MTUS2: variants seen among roughly 807,000 people sequenced by gnomAD.
MTUS2 encodes the protein microtubule-associated tumor suppressor candidate 2.
Under a neutral mutation model 114.1 loss-of-function variants are expected in MTUS2, and 40 were observed. The ratio of observed to expected loss-of-function variants is 0.35; its 90% CI spans 0.27 to 0.46. The LOEUF is 0.46. MTUS2 is among the 20% of genes least tolerant of loss of function. The probability of loss-of-function intolerance (pLI) is 1.00; values close to 1 mark genes in which losing one functional copy is unlikely to be tolerated. For missense variants in MTUS2, 1,679 were observed against 1,705.4 expected (o/e 0.98, Z 0.27); for synonymous variants, 688 against 672.0 (o/e 1.02, Z -0.37).
chr13:29,117,604 T>C (rs1891141703), intron 5 of MTUS2, among the ~76,000 whole-genome samples: 1 of 152,142 alleles, frequency 6.6e-6, no homozygotes, highest in South Asian at 2.1e-4. Flanking sequence ...TCCCCACCTC[T>C]TGCACAAATA....
chr13:28,849,061 C>A (rs903033495), intron 2 of MTUS2, among the ~76,000 whole-genome samples: 1 of 152,218 alleles, frequency 6.6e-6, no homozygotes, highest in African/African-American at 2.4e-5. Flanking sequence ...TTTCGATGAT[C>A]ACTTAGCATG....
chr13:28,829,155 AAG>A (rs1874483446), intron 1 of MTUS2, among the ~76,000 whole-genome samples: 1 of 152,226 alleles, frequency 6.6e-6, no homozygotes, highest in African/African-American at 2.4e-5. Flanking sequence ...GAATCTCAGT[AAG>A]AACAGTGAAC....
chr13:29,153,745 T>C (rs1892751938), intron 5 of MTUS2, among the ~76,000 whole-genome samples: 1 of 152,250 alleles, frequency 6.6e-6, no homozygotes, highest in Non-Finnish European at 1.5e-5. Flanking sequence ...TTCCTCCTAC[T>C]TCTCTTTATT....
intron 2 of MTUS2, among the ~76,000 whole-genome samples, chr13:28,947,803 G>A (rs1284365914): frequency 6.6e-6 from 1 of 152,176 alleles, no homozygotes. Context: ...CTCAAAGAAA[G>A]GAAAATAAGT....
chr13:28,906,491 T>C lies in MTUS2; in HGVS notation c.-243+66641T>C, dbSNP rs1182252579. On this transcript the variant is annotated intron_variant, in intron 2 of 15. Transcript: ENST00000612955. ...GTTAGTTTCAAAGAACATCTTTATT[T>C]CTGCCTTCATTTCGTTATGTACCCA... is the stretch of plus-strand genomic sequence containing the variant. Among the ~76,000 whole-genome samples, 2 of 151,546 alleles carry C rather than the reference T, an allele frequency of 1.3e-5. 1 individual carries two copies. Among genetic ancestry groups the C allele is most frequent in the African/African-American group, 4.9e-5 (2 of 40,986 alleles).
At chr13:28,920,047 T>C (rs558138683) in intron 2 of MTUS2, among the ~76,000 whole-genome samples, 7 of 152,246 alleles carry the variant, frequency 4.6e-5, no homozygotes, top group African/African-American at 1.7e-4. Flanking sequence ...CACATATCTC[T>C]GTTTCTCCAG....
intron 5 of MTUS2, among the ~76,000 whole-genome samples, chr13:29,232,308 A>G (rs3011460): frequency 0.16 from 21,924 of 141,028 alleles, 1,771 homozygotes; most frequent in Middle Eastern, 0.21. Context: ...GCGCGCGCGC[A>G]CACACACACA....
chr13:29,327,856 A>G (rs981293361), intron 7 of MTUS2, among the ~76,000 whole-genome samples: 18 of 152,352 alleles, frequency 1.2e-4, no homozygotes, highest in African/African-American at 4.8e-5. Flanking sequence ...CAACAGTTGT[A>G]TATGACAGTT....
intron 5 of MTUS2, among the ~76,000 whole-genome samples, chr13:29,205,078 T>C (rs1855772): frequency 0.82 from 125,420 of 152,182 alleles, 51,790 homozygotes; most frequent in East Asian, 0.89. Context: ...AATTTCTGCC[T>C]GGTCCTGAAA....
At chr13:28,946,598 G>A (rs1025459063) in intron 2 of MTUS2, among the ~76,000 whole-genome samples, 1 of 152,144 alleles carries the variant, frequency 6.6e-6, no homozygotes, top group African/African-American at 2.4e-5. Context: ...GGATAGAACC[G>A]AAAGTTGTTT....
chr13:29,332,427 G>A (rs1046168787), intron 7 of MTUS2, among the ~76,000 whole-genome samples: 10 of 151,952 alleles, frequency 6.6e-5, no homozygotes, highest in African/African-American at 2.2e-4. Flanking sequence ...ATTTTTTATT[G>A]CGTCTATTTG....
chr13:29,410,278 C>T (rs369686582), intron 8 of MTUS2, among the ~76,000 whole-genome samples: 2 of 152,064 alleles, frequency 1.3e-5, no homozygotes, highest in African/African-American at 4.8e-5. Context: ...GTGCCCGCCA[C>T]CATGACCGAC....
At chr13:28,829,401 G>A (rs549971298) in intron 1 of MTUS2, among the ~76,000 whole-genome samples, 1 of 152,174 alleles carries the variant, frequency 6.6e-6, no homozygotes, top group Non-Finnish European at 1.5e-5. Context: ...GCATGGTGGT[G>A]TGTGTATGTA....
At chr13:29,411,447 A>G (rs1209700905) in intron 8 of MTUS2, among the ~76,000 whole-genome samples, 2 of 152,228 alleles carry the variant, frequency 1.3e-5, no homozygotes, top group Non-Finnish European at 2.9e-5. Context: ...CACATAAGCC[A>G]GTACCACATT....
chr13:29,497,462 G>C (rs1882627129), intron 13 of MTUS2, 126 bp downstream of exon 13: 9 of 759,262 alleles, frequency 1.2e-5, no homozygotes, highest in Non-Finnish European at 1.8e-5. Context: ...GTGACAGCTG[G>C]TCACGACCTC....
chr13:29,257,427 T>C (rs901583887), intron 5 of MTUS2, among the ~76,000 whole-genome samples: 2 of 152,180 alleles, frequency 1.3e-5, no homozygotes, highest in Non-Finnish European at 2.9e-5. Context: ...TGGATTTTAA[T>C]GAATGAAACA....
At chr13:29,176,753 T>C (rs1423361489) in intron 5 of MTUS2, among the ~76,000 whole-genome samples, 1 of 145,064 alleles carries the variant, frequency 6.9e-6, no homozygotes, top group Non-Finnish European at 1.5e-5. Flanking sequence ...GAATTAGGTT[T>C]CAACATATGA....
intron 8 of MTUS2, among the ~76,000 whole-genome samples, chr13:29,359,702 T>C (rs1259554771): frequency 3.9e-5 from 6 of 152,180 alleles, no homozygotes; most frequent in Admixed American, 3.3e-4. Flanking sequence ...ATTAATAATC[T>C]TCATTCCAAA....
intron 5 of MTUS2, among the ~76,000 whole-genome samples, chr13:29,156,804 A>G (rs1892879866): frequency 6.6e-6 from 1 of 152,150 alleles, no homozygotes; most frequent in Admixed American, 6.5e-5. Flanking sequence ...TCAACACTCA[A>G]AATGAATATG....
Sources: gnomAD v4.1 joint callset for allele counts (sites outside exome capture counted in the v4.1 genomes callset) on GRCh38, gnomAD v4.1.1 for gene constraint, MANE v1.5 for transcripts, NCBI Gene and HGNC (gene_info 2026-07-23, HGNC 2026-07-21) for gene names.